P2RY1: variants seen among roughly 807,000 people sequenced by gnomAD.
The protein encoded by P2RY1 is purinergic receptor P2Y1, also known as P2Y purinoceptor 1.
In P2RY1, 14 loss-of-function variants were observed where a neutral mutation model predicts 22.8. That is an observed-to-expected ratio of 0.61 (90% confidence interval 0.41 to 0.96). The LOEUF (loss-of-function observed/expected upper bound fraction) is 0.96. Ranked by LOEUF, P2RY1 falls within the 40% of genes least tolerant of loss-of-function variation. The pLI, the probability that P2RY1 is intolerant of heterozygous loss-of-function variation, is 0.00. For synonymous variants in P2RY1, 200 were observed against 195.1 expected (o/e 1.03, Z -0.21); for missense variants, 395 against 470.3 (o/e 0.84, Z 1.48).
rs969815635 is a variant in P2RY1, at chr3:152,839,926, A to G, written c.*3022A>G. The G allele has an allele frequency of 1.3e-5, 2 of 152,212 alleles. No individual in the cohort carries two copies. The highest frequency in any genetic ancestry group is 2.9e-5 in the Non-Finnish European group (2 of 68,014). 9.4% of individuals were successfully genotyped at this position (152,212 alleles called of 1,614,324 possible). A position where few individuals can be genotyped will look rare whatever the true frequency, so the allele number is the denominator to read the frequency against. Reference sequence around the variant, plus strand: ...AGACACTAAACTGTCTTTGGATACTATAGATGTCAGTGCTTATAGCAGCTG... The same window carrying G: ...AGACACTAAACTGTCTTTGGATACTGTAGATGTCAGTGCTTATAGCAGCTG... On this transcript the variant is annotated 3_prime_UTR_variant, in exon 1 of 1. Coordinates refer to ENST00000305097, the MANE Select transcript of P2RY1 (RefSeq NM_002563.5).
In P2RY1 at chr3:152,836,427, C is replaced by T. The variant is rs1399193902; in HGVS notation, c.645C>T (p.Phe215=). The change falls in exon 1 of 1, where the codon TTC becomes TTT. Residue 215 remains phenylalanine, a synonymous_variant. Transcript: ENST00000305097. The surrounding 1 kb of genome is among the most constrained non-coding windows in gnomAD (Gnocchi z 5.6). ...CAGACGAGTACCTGCGAAGTTATTT[C>T]ATCTACAGCATGTGCACGACCGTGG... The part of the protein sequence containing the change: ...TTSDEYLRSY[F]IYSMCTTVAM... 2.5e-6 allele frequency: 4 copies of T among 1,614,192 alleles called. No individual in the cohort carries two copies. The South Asian group carries it at 4.4e-5, about 18-fold the overall frequency.
In P2RY1 at chr3:152,837,997, A is replaced by T. The variant is rs1333382358; in HGVS notation, c.*1093A>T. 1 of 167,086 alleles carries T rather than the reference A, an allele frequency of 6.0e-6. No homozygotes were observed. The highest frequency in any genetic ancestry group is 2.4e-5 in the African/African-American group (1 of 41,464). The allele number at this position is 167,086 out of a possible 1,614,324, so 10.4% of individuals were successfully genotyped here. A position where few individuals can be genotyped will look rare whatever the true frequency, so the allele number is the denominator to read the frequency against. ...GAGGGCTTTAGTTTAAATTAAAGTCATGGTGGAGAAGACTCTTGCTTCCTC... is the reference window on the plus strand; with the variant it reads ...GAGGGCTTTAGTTTAAATTAAAGTCTTGGTGGAGAAGACTCTTGCTTCCTC... On this transcript the variant is annotated 3_prime_UTR_variant, in exon 1 of 1. Coordinates refer to ENST00000305097, the MANE Select transcript of P2RY1 (RefSeq NM_002563.5).
Position 152,841,062 on chromosome 3 carries a change from ATTTCTT to A in P2RY1, c.*4162_*4167del, listed in dbSNP as rs1716287658. 1 of 152,084 alleles carries A rather than the reference ATTTCTT, an allele frequency of 6.6e-6. No homozygotes were observed. Among genetic ancestry groups the A allele is most frequent in the Non-Finnish European group, 1.5e-5 (1 of 67,986 alleles). 9.4% of individuals were successfully genotyped at this position (152,084 alleles called of 1,614,324 possible). ...ATTTTAATATAGATGATTGAACTAG[ATTTCTT>A]TTTGAGTGATAGTGCCATTGAATGA... On this transcript the variant is annotated 3_prime_UTR_variant, in exon 1 of 1. Coordinates refer to ENST00000305097, the MANE Select transcript of P2RY1 (RefSeq NM_002563.5).
rs1338982203 is a variant in P2RY1 at position 152,836,229 on chromosome 3, G to C, written c.447G>C (p.Arg149=). Residue 149 remains arginine (R), a synonymous_variant, in exon 1 of 1, where the codon CGG becomes CGC. Coordinates refer to ENST00000305097, the MANE Select transcript of P2RY1 (RefSeq NM_002563.5). This position sits in a 1 kb window ranked among gnomAD's most constrained non-coding sequence, Gnocchi z 5.6. The part of the protein sequence containing the change: ...ILFLTCISAH[R]YSGVVYPLKS... ...TTCTGACATGCATCAGTGCCCACCGGTACAGCGGTGTGGTGTACCCCCTCA... is the reference window on the plus strand; with the variant it reads ...TTCTGACATGCATCAGTGCCCACCGCTACAGCGGTGTGGTGTACCCCCTCA... 5 of 1,613,988 alleles carry C rather than the reference G, an allele frequency of 3.1e-6. No individual in the cohort carries two copies. Among genetic ancestry groups the C allele is most frequent in the Non-Finnish European group, 4.2e-6 (5 of 1,180,020 alleles).
chr3:152,839,181 G>A lies in P2RY1; in HGVS notation c.*2277G>A, dbSNP rs1179065493. 6.6e-6 allele frequency: 1 copy of A among 152,176 alleles called. No homozygotes were observed. Among genetic ancestry groups the A allele is most frequent in the Non-Finnish European group, 1.5e-5 (1 of 68,022 alleles). 9.4% of individuals were successfully genotyped at this position (152,176 alleles called of 1,614,324 possible). On this transcript the variant is annotated 3_prime_UTR_variant, in exon 1 of 1. Coordinates refer to ENST00000305097, the MANE Select transcript of P2RY1 (RefSeq NM_002563.5). The stretch of plus-strand genomic sequence containing the variant: ...GAAATGCTTGTTTACTACTTGGCAT[G>A]TTTTTTCCAAAGTGTTTCTTCTTTA...
rs1325143378 is a variant in P2RY1 at position 152,836,771 on chromosome 3, C to T, written c.989C>T (p.Thr330Ile). ...DPILYFLAGD[T>I]FRRRLSRATR... ...ATTCTCTATTTCTTGGCGGGAGATA[C>T]TTTCAGAAGGAGACTCTCCCGAGCC... The change falls in exon 1 of 1, where the codon ACT (threonine) becomes ATT (isoleucine). Residue 330 changes from threonine to isoleucine, a missense_variant. By Grantham distance (89) the Thr-to-Ile change is moderately conservative. Coordinates refer to ENST00000305097, the MANE Select transcript of P2RY1 (RefSeq NM_002563.5). The surrounding 1 kb of genome is among the most constrained non-coding windows in gnomAD (Gnocchi z 5.6). 1.2e-6 allele frequency: 2 copies of T among 1,613,966 alleles called. No homozygotes were observed. The highest frequency in any genetic ancestry group is 1.7e-5 in the Admixed American group (1 of 60,000).
At position 152,836,512 on chromosome 3, in the gene P2RY1, T is replaced by C. The variant is rs764733137; in HGVS notation, c.730T>C (p.Leu244=). 1 of 1,614,198 alleles carries C rather than the reference T, an allele frequency of 6.2e-7. No individual in the cohort carries two copies. The highest frequency in any genetic ancestry group is 8.5e-7 in the Non-Finnish European group (1 of 1,180,036). The change falls in exon 1 of 1, where the codon TTG becomes CTG. Residue 244 remains leucine (L), a synonymous_variant. Transcript: ENST00000305097. The surrounding 1 kb of genome is among the most constrained non-coding windows in gnomAD (Gnocchi z 5.6). ...CTGTTACGGATTAATTGTGAGAGCT[T>C]TGATTTACAAAGATCTGGACAACTC... ...LGCYGLIVRA[L]IYKDLDNSPL...
Position 152,836,396 on chromosome 3 carries a change from C to G in P2RY1, c.614C>G (p.Thr205Ser). Residue 205 changes from threonine to serine, a missense_variant, in exon 1 of 1, where the codon ACC (threonine) becomes AGC (serine). This residue lies in a region of P2RY1 where 291 missense variants were observed against 361.6 expected (regional missense o/e 0.80). Transcript: ENST00000305097. This position sits in a 1 kb window ranked among gnomAD's most constrained non-coding sequence, Gnocchi z 5.6. ...RKNKTITCYDTTSDEYLRSYF... is the reference protein window; with the variant it reads ...RKNKTITCYDSTSDEYLRSYF... ...AACAAAACCATCACCTGTTACGACA[C>G]CACCTCAGACGAGTACCTGCGAAGT... 1 of 1,614,188 alleles carries G rather than the reference C, an allele frequency of 6.2e-7. No homozygotes were observed. Among genetic ancestry groups the G allele is most frequent in the Non-Finnish European group, 8.5e-7 (1 of 1,180,042 alleles).
In P2RY1 at chr3:152,835,253, T is replaced by C. The variant is rs1050347654; in HGVS notation, c.-530T>C. Reference sequence around the variant, plus strand: ...CTCCGATGGCTGCCAGGAGCTGAGCTCAGGGTGGGCGGAGGAAGCGGTTAG... The same window carrying C: ...CTCCGATGGCTGCCAGGAGCTGAGCCCAGGGTGGGCGGAGGAAGCGGTTAG... On this transcript the variant is annotated 5_prime_UTR_variant, in exon 1 of 1. Transcript: ENST00000305097. 6.5e-6 allele frequency: 1 copy of C among 153,034 alleles called. No individual in the cohort carries two copies. Among genetic ancestry groups the C allele is most frequent in the African/African-American group, 2.4e-5 (1 of 41,438 alleles). The allele number at this position is 153,034 out of a possible 1,614,324, so 9.5% of individuals were successfully genotyped here.
At position 152,839,479 on chromosome 3, in the gene P2RY1, A is replaced by T. The variant is rs1427111084; in HGVS notation, c.*2575A>T. ...ACATTATAGAACTTATTACCTAACA[A>T]AATTTCACACCACAAAAAATATTTT... On this transcript the variant is annotated 3_prime_UTR_variant, in exon 1 of 1. Coordinates refer to ENST00000305097, the MANE Select transcript of P2RY1 (RefSeq NM_002563.5). The T allele has an allele frequency of 6.7e-6, 1 of 150,092 alleles. No homozygotes were observed. The highest frequency in any genetic ancestry group is 2.5e-5 in the African/African-American group (1 of 39,482). The allele number at this position is 150,092 out of a possible 1,614,324, so 9.3% of individuals were successfully genotyped here.
At position 152,837,990 on chromosome 3, in the gene P2RY1, T is replaced by C. The variant is rs1010132573; in HGVS notation, c.*1086T>C. ...TTAGAATGAGGGCTTTAGTTTAAAT[T>C]AAAGTCATGGTGGAGAAGACTCTTG... On this transcript the variant is annotated 3_prime_UTR_variant, in exon 1 of 1. Transcript: ENST00000305097. 6.0e-6 allele frequency: 1 copy of C among 167,036 alleles called. No individual in the cohort carries two copies. Among genetic ancestry groups the C allele is most frequent in the African/African-American group, 2.4e-5 (1 of 41,432 alleles). The allele number at this position is 167,036 out of a possible 1,614,324, so 10.3% of individuals were successfully genotyped here.
rs1474773805 is a variant in P2RY1 at position 152,835,669 on chromosome 3, C to A, written c.-114C>A. ...CGCCCCCTCCCGCGGGGATCCAGTTCGCCTGCTCCCTTCCGCTCGCTGGCT... is the reference window on the plus strand; with the variant it reads ...CGCCCCCTCCCGCGGGGATCCAGTTAGCCTGCTCCCTTCCGCTCGCTGGCT... On this transcript the variant is annotated 5_prime_UTR_variant, in exon 1 of 1. Coordinates refer to ENST00000305097, the MANE Select transcript of P2RY1 (RefSeq NM_002563.5). 1.9e-6 allele frequency: 2 copies of A among 1,054,742 alleles called. No homozygotes were observed. The highest frequency in any genetic ancestry group is 1.7e-5 in the South Asian group (1 of 60,126). 65.3% of individuals were successfully genotyped at this position (1,054,742 alleles called of 1,614,324 possible). A position where few individuals can be genotyped will look rare whatever the true frequency, so the allele number is the denominator to read the frequency against.
rs1488049446 is a variant in P2RY1 at position 152,840,609 on chromosome 3, G to A, written c.*3705G>A. On this transcript the variant is annotated 3_prime_UTR_variant, in exon 1 of 1. Coordinates refer to ENST00000305097, the MANE Select transcript of P2RY1 (RefSeq NM_002563.5). Reference sequence around the variant, plus strand: ...GTGGGATGGGCATTATATAAACAACGTTACAATGTAAGGAAAATCTTTAAG... The same window carrying A: ...GTGGGATGGGCATTATATAAACAACATTACAATGTAAGGAAAATCTTTAAG... 3.3e-5 allele frequency: 5 copies of A among 152,108 alleles called. No homozygotes were observed. Among genetic ancestry groups the A allele is most frequent in the South Asian group, 2.1e-4 (1 of 4,820 alleles). 9.4% of individuals were successfully genotyped at this position (152,108 alleles called of 1,614,324 possible).
rs746918384 is a variant in P2RY1 at position 152,836,462 on chromosome 3, G to C, written c.680G>C (p.Cys227Ser). Residue 227 changes from cysteine (C) to serine (S), a missense_variant, in exon 1 of 1, where the codon TGT becomes TCT. This residue lies in a region of P2RY1 where 291 missense variants were observed against 361.6 expected (regional missense o/e 0.80). Coordinates refer to ENST00000305097, the MANE Select transcript of P2RY1 (RefSeq NM_002563.5). This position sits in a 1 kb window ranked among gnomAD's most constrained non-coding sequence, Gnocchi z 5.6. ...ATGTGCACGACCGTGGCCATGTTCT[G>C]TGTCCCCTTGGTGCTGATTCTGGGC... ...YSMCTTVAMF[C>S]VPLVLILGCY... 1 of 1,614,170 alleles carries C rather than the reference G, an allele frequency of 6.2e-7. No individual in the cohort carries two copies. The highest frequency in any genetic ancestry group is 8.5e-7 in the Non-Finnish European group (1 of 1,180,030).
rs533683001 is a variant in P2RY1 at position 152,836,455 on chromosome 3, A to T, written c.673A>T (p.Met225Leu). ...FIYSMCTTVA[M>L]FCVPLVLILG... ...CTACAGCATGTGCACGACCGTGGCC[A>T]TGTTCTGTGTCCCCTTGGTGCTGAT... Residue 225 changes from methionine to leucine, a missense_variant, in exon 1 of 1, where the codon ATG becomes TTG. This residue lies in a region of P2RY1 where 291 missense variants were observed against 361.6 expected (regional missense o/e 0.80). Transcript: ENST00000305097. The surrounding 1 kb of genome is among the most constrained non-coding windows in gnomAD (Gnocchi z 5.6). 7 of 1,614,164 alleles carry T rather than the reference A, an allele frequency of 4.3e-6. No individual in the cohort carries two copies. Among genetic ancestry groups the T allele is most frequent in the Non-Finnish European group, 5.1e-6 (6 of 1,180,028 alleles).
Position 152,836,200 on chromosome 3 carries a change from T to G in P2RY1, c.418T>G (p.Leu140Val), listed in dbSNP as rs375198144. ...IFHVNLYGSILFLTCISAHRY... is the reference protein window; with the variant it reads ...IFHVNLYGSIVFLTCISAHRY... ...TCATGTGAACCTCTATGGCAGCATC[T>G]TGTTTCTGACATGCATCAGTGCCCA... Residue 140 changes from leucine to valine, a missense_variant, in exon 1 of 1, where the codon TTG becomes GTG. By Grantham distance (32) the Leu-to-Val change is conservative. Coordinates refer to ENST00000305097, the MANE Select transcript of P2RY1 (RefSeq NM_002563.5). This position sits in a 1 kb window ranked among gnomAD's most constrained non-coding sequence, Gnocchi z 5.6. 6.2e-7 allele frequency: 1 copy of G among 1,614,180 alleles called. No individual in the cohort carries two copies. Among genetic ancestry groups the G allele is most frequent in the Non-Finnish European group, 8.5e-7 (1 of 1,180,026 alleles).
rs1716156405 is a variant in P2RY1, at chr3:152,836,305, GTGTGGCTCAT to G, written c.529_538del (p.Leu177TrpfsTer53). On this transcript the variant is annotated frameshift_variant, in exon 1 of 1. Transcript: ENST00000305097. LOFTEE classifies it high-confidence loss of function. The surrounding 1 kb of genome is among the most constrained non-coding windows in gnomAD (Gnocchi z 5.6). ...GAATGCGATCTGTATCAGCGTGCTG[GTGTGGCTCAT>G]TGTGGTGGTGGCGATCTCCCCCATC... 1.9e-6 allele frequency: 3 copies of G among 1,614,020 alleles called. No homozygotes were observed. The highest frequency in any genetic ancestry group is 2.5e-6 in the Non-Finnish European group (3 of 1,180,048).
chr3:152,837,093 C>T lies in P2RY1; in HGVS notation c.*189C>T, dbSNP rs1394507176. On this transcript the variant is annotated 3_prime_UTR_variant, in exon 1 of 1. Transcript: ENST00000305097. ...GCTTGTTTGGGTTTGCTTTCACAGT[C>T]TCTCTTCCTTCTGACTAGAAGTATG... 7 of 591,308 alleles carry T rather than the reference C, an allele frequency of 1.2e-5. No homozygotes were observed. In the African/African-American group the frequency reaches 1.3e-4, roughly 11 times the overall value. The allele number at this position is 591,308 out of a possible 1,614,324, so 36.6% of individuals were successfully genotyped here. A position where few individuals can be genotyped will look rare whatever the true frequency, so the allele number is the denominator to read the frequency against.
rs928992161 is a variant in P2RY1, at chr3:152,835,884, C to G, written c.102C>G (p.Ala34=). 46 of 1,613,876 alleles carry G rather than the reference C, an allele frequency of 2.9e-5. No homozygotes were observed. The highest frequency in any genetic ancestry group is 3.7e-5 in the Non-Finnish European group (44 of 1,180,032). Residue 34 remains alanine, a synonymous_variant, in exon 1 of 1, where the codon GCC becomes GCG. Coordinates refer to ENST00000305097, the MANE Select transcript of P2RY1 (RefSeq NM_002563.5). ...GGAACAGCACGGTCGCCTCCACTGC[C>G]GCCGTCTCCTCGTCGTTCAAATGCG... ...SWGNSTVAST[A]AVSSSFKCAL...
Sources: allele counts gnomAD v4.1 joint callset, GRCh38; gene constraint gnomAD v4.1.1; regional missense constraint gnomAD v4.1.1; non-coding constraint Gnocchi (gnomAD v3.1); transcripts MANE v1.5; gene names NCBI Gene and HGNC (gene_info 2026-07-23, HGNC 2026-07-21).